The following LRRTM4 variants were observed in gnomAD, a reference collection of about 807,000 sequenced individuals.
The protein encoded by LRRTM4 is leucine rich repeat transmembrane neuronal 4.
A neutral mutation model predicts 47.6 loss-of-function variants in LRRTM4; 25 were observed. The observed-to-expected ratio is 0.53, with a 90% CI of 0.38 to 0.73. The LOEUF (loss-of-function observed/expected upper bound fraction) is 0.73. Among genes scored for constraint, LRRTM4 ranks in the 30% least tolerant of loss-of-function variants. LRRTM4 has a pLI of 0.00. For missense variants in LRRTM4, 638 were observed against 713.4 expected (o/e 0.89, Z 1.20); for synonymous variants, 311 against 269.5 (o/e 1.15, Z -1.51).
chr2:76,876,162 G>C (rs1558707300), intron 3 of LRRTM4, among the ~76,000 whole-genome samples: 1 of 151,794 alleles, frequency 6.6e-6, no homozygotes, highest in Non-Finnish European at 1.5e-5. Context: ...AGAAAAAAAA[G>C]AAGTTTTTTA....
chr2:77,420,180 G>A (rs556963928), intron 3 of LRRTM4, among the ~76,000 whole-genome samples: 1 of 152,288 alleles, frequency 6.6e-6, no homozygotes, highest in Admixed American at 6.5e-5. Flanking sequence ...AGCTGTTGCT[G>A]GGAGATCTCC....
intron 3 of LRRTM4, among the ~76,000 whole-genome samples, chr2:77,070,565 A>G (rs993025186): frequency 1.1e-4 from 16 of 151,934 alleles, no homozygotes; most frequent in Admixed American, 9.2e-4. Flanking sequence ...CCCTTCAAAC[A>G]TTTCTACTAA....
chr2:76,860,737 C>A (rs886378556), intron 3 of LRRTM4, among the ~76,000 whole-genome samples: 4 of 152,064 alleles, frequency 2.6e-5, no homozygotes, highest in Non-Finnish European at 5.9e-5. Context: ...GACTTAAATA[C>A]AACATCTCTT....
intron 3 of LRRTM4, among the ~76,000 whole-genome samples, chr2:77,300,634 A>G (rs1372757692): frequency 6.6e-6 from 1 of 152,216 alleles, no homozygotes; most frequent in African/African-American, 2.4e-5. Context: ...AATCATGTGT[A>G]TATAATATAA....
chr2:77,319,656 G>T (rs149131120), intron 3 of LRRTM4, among the ~76,000 whole-genome samples: 2 of 152,138 alleles, frequency 1.3e-5, no homozygotes, highest in African/African-American at 4.8e-5. Context: ...ATTTTCTGGC[G>T]TACAGGCTTA....
chr2:76,998,803 T>A (rs1677303592), intron 3 of LRRTM4, among the ~76,000 whole-genome samples: 1 of 150,790 alleles, frequency 6.6e-6, no homozygotes, highest in Non-Finnish European at 1.5e-5. Flanking sequence ...CAGGCGTACA[T>A]TGAGATTTCT....
chr2:77,068,902 CCG>C (rs1680053075), intron 3 of LRRTM4, among the ~76,000 whole-genome samples: 1 of 152,228 alleles, frequency 6.6e-6, no homozygotes, highest in South Asian at 2.1e-4. Context: ...GGGGTGAAAA[CCG>C]CTTAAAGGCA....
At chr2:77,282,511 T>A (rs1442568999) in intron 3 of LRRTM4, among the ~76,000 whole-genome samples, 1 of 151,326 alleles carries the variant, frequency 6.6e-6, no homozygotes, top group East Asian at 1.9e-4. Context: ...AAGTGGGCAT[T>A]CATATGAAAC....
intron 3 of LRRTM4, among the ~76,000 whole-genome samples, chr2:77,042,619 T>C (rs1035487482): frequency 5.3e-5 from 8 of 151,752 alleles, no homozygotes; most frequent in Non-Finnish European, 1.2e-4. Flanking sequence ...TTGTTTTTAT[T>C]GTATAGAAAA....
chr2:76,904,241 C>T (rs1673743114), intron 3 of LRRTM4, among the ~76,000 whole-genome samples: 1 of 152,210 alleles, frequency 6.6e-6, no homozygotes, highest in African/African-American at 2.4e-5. Context: ...CACAGGATGT[C>T]TCTTTTATGA....
chr2:77,299,334 TG>T (rs1677064091), intron 3 of LRRTM4, among the ~76,000 whole-genome samples: 1 of 150,996 alleles, frequency 6.6e-6, no homozygotes, highest in African/African-American at 2.4e-5. Flanking sequence ...TGTGTATATA[TG>T]TATATACGTA....
At chr2:76,937,629 T>A (rs1675001852) in intron 3 of LRRTM4, among the ~76,000 whole-genome samples, 1 of 152,182 alleles carries the variant, frequency 6.6e-6, no homozygotes. Context: ...AGTGCAGTGG[T>A]GCGATCCCGA....
rs72825337 is a variant in LRRTM4 at position 77,051,058 on chromosome 2, C to T, written c.1552-302142G>A. On this transcript the variant is annotated intron_variant, in intron 3 of 3. Transcript: ENST00000409884. ...TAGATAACACTAAGCCTTAGAGCAA[C>T]GGTTCTTCATTCTGGGCAGTTTTGC... Among the ~76,000 whole-genome samples, 67 of 151,150 alleles carry T rather than the reference C, an allele frequency of 4.4e-4. No individual in the cohort carries two copies. In the East Asian group the frequency reaches 4.7e-3, roughly 11 times the overall value.
At chr2:77,047,262 T>C (rs952994898) in intron 3 of LRRTM4, among the ~76,000 whole-genome samples, 10 of 151,348 alleles carry the variant, frequency 6.6e-5, no homozygotes, top group Non-Finnish European at 1.5e-4. Context: ...TGGATATTAT[T>C]ATTTCTCTTT....
At chr2:77,010,863 T>C (rs1003838115) in intron 3 of LRRTM4, among the ~76,000 whole-genome samples, 3 of 152,114 alleles carry the variant, frequency 2.0e-5, no homozygotes, top group African/African-American at 2.4e-5. Context: ...TTGAGACTGA[T>C]TGTGGTTAGG....
intron 3 of LRRTM4, among the ~76,000 whole-genome samples, chr2:76,791,913 C>T (rs994684156): frequency 1.3e-5 from 2 of 152,078 alleles, no homozygotes; most frequent in African/African-American, 4.8e-5. Context: ...AAATGAAAAA[C>T]CAGACAAAAA....
intron 3 of LRRTM4, among the ~76,000 whole-genome samples, chr2:77,100,206 A>C (rs1347698200): frequency 3.3e-5 from 5 of 152,106 alleles, no homozygotes; most frequent in African/African-American, 1.2e-4. Context: ...TTTTTTCAGG[A>C]ATTTAAACCA....
chr2:77,366,065 G>T (rs939614891), intron 3 of LRRTM4, among the ~76,000 whole-genome samples: 18 of 151,494 alleles, frequency 1.2e-4, no homozygotes, highest in African/African-American at 4.4e-4. Context: ...TGAAAGTTAA[G>T]TCTAGCATAT....
chr2:76,861,874 A>G (rs754253630), intron 3 of LRRTM4, among the ~76,000 whole-genome samples: 2 of 152,162 alleles, frequency 1.3e-5, no homozygotes, highest in African/African-American at 4.8e-5. Context: ...TAACACAGGC[A>G]TATATGGAAA....
Sources: gnomAD v4.1 joint callset for allele counts (sites outside exome capture counted in the v4.1 genomes callset) on GRCh38, gnomAD v4.1.1 for gene constraint, MANE v1.5 for transcripts, NCBI Gene and HGNC (gene_info 2026-07-23, HGNC 2026-07-21) for gene names.